The following ROBO1 variants were observed in gnomAD, a reference collection of about 807,000 sequenced individuals.
ROBO1 encodes the protein roundabout guidance receptor 1, also known as roundabout homolog 1.
Under a neutral mutation model 195.9 loss-of-function variants are expected in ROBO1, and 149 were observed. The ratio of observed to expected loss-of-function variants is 0.76; its 90% CI spans 0.67 to 0.87. The LOEUF (loss-of-function observed/expected upper bound fraction) is 0.87. Among genes scored for constraint, ROBO1 ranks in the 40% least tolerant of loss-of-function variants. The probability of loss-of-function intolerance (pLI) is 0.00; values close to 1 mark genes in which losing one functional copy is unlikely to be tolerated. For missense variants in ROBO1, 1,933 were observed against 2,068.3 expected, an observed-to-expected ratio of 0.93 and a Z score of 1.27; for synonymous variants, 816 against 733.2, an observed-to-expected ratio of 1.11 and a Z score of -1.82.
chr3:79,412,874 AT>A (rs1167482550), intron 2 of ROBO1, among the ~76,000 whole-genome samples: 129 of 38,268 alleles, frequency 3.4e-3, no homozygotes, highest in Middle Eastern at 0.02. Flanking sequence ...TCATGAGCTG[AT>A]TTTTTTTTTT....
At chr3:79,611,989 T>A (rs1944673096) in intron 1 of ROBO1, among the ~76,000 whole-genome samples, 1 of 152,110 alleles carries the variant, frequency 6.6e-6, no homozygotes, top group African/African-American at 2.4e-5. Context: ...TAATACCATG[T>A]ACATTGTGGT....
chr3:79,231,776 A>C (rs939076496), intron 2 of ROBO1, among the ~76,000 whole-genome samples: 2 of 152,164 alleles, frequency 1.3e-5, no homozygotes, highest in African/African-American at 4.8e-5. Context: ...TGTTCCTTGC[A>C]GCACTATTCA....
At chr3:79,611,803 G>T (rs560504528) in intron 1 of ROBO1, among the ~76,000 whole-genome samples, 2 of 151,934 alleles carry the variant, frequency 1.3e-5, no homozygotes, top group East Asian at 1.9e-4. Context: ...TGGGTTGAGG[G>T]GTGCAGCAAA....
At chr3:78,902,789 A>G (rs1474755607) in intron 4 of ROBO1, among the ~76,000 whole-genome samples, 1 of 152,204 alleles carries the variant, frequency 6.6e-6, no homozygotes, top group Non-Finnish European at 1.5e-5. Context: ...GACTGCAGTG[A>G]GCCCAGATCG....
rs188680321 is a variant in ROBO1, at chr3:78,935,043, A to G, written c.499+3558T>C. Reference sequence around the variant, plus strand: ...ATTTGAATTCTAAGTCACTTTAAGAAGCATAAGTTACTAATAATAACAATG... The same window carrying G: ...ATTTGAATTCTAAGTCACTTTAAGAGGCATAAGTTACTAATAATAACAATG... On this transcript the variant is annotated intron_variant, in intron 4 of 30. Transcript: ENST00000464233. 2.4e-4 allele frequency among the ~76,000 whole-genome samples: 37 copies of G among 152,196 alleles called. No individual in the cohort carries two copies. In the East Asian group the frequency reaches 5.0e-3, roughly 21 times the overall value.
At chr3:79,687,821 A>G (rs1384553068) in intron 1 of ROBO1, among the ~76,000 whole-genome samples, 1 of 152,182 alleles carries the variant, frequency 6.6e-6, no homozygotes, top group African/African-American at 2.4e-5. Flanking sequence ...ACGATTCCTC[A>G]GGGATCTAGA....
chr3:78,661,727 T>A (rs1201896924), intron 15 of ROBO1, among the ~76,000 whole-genome samples: 1 of 152,216 alleles, frequency 6.6e-6, no homozygotes, highest in Non-Finnish European at 1.5e-5. Context: ...AATGATCCTA[T>A]CACAAGTTAC....
chr3:79,330,273 G>GTATATATATATA (rs34794861), intron 2 of ROBO1, among the ~76,000 whole-genome samples: 435 of 137,840 alleles, frequency 3.2e-3, no homozygotes, highest in Non-Finnish European at 4.2e-3. Context: ...GTATATATAT[G>GTATATATATATA]TATATATATA....
chr3:79,693,233 T>C (rs1229829741), intron 1 of ROBO1, among the ~76,000 whole-genome samples: 1 of 151,842 alleles, frequency 6.6e-6, no homozygotes, highest in Non-Finnish European at 1.5e-5. Context: ...CATCAGAGCA[T>C]CATCTTTTAT....
chr3:78,748,044 G>GT (rs755277876), intron 4 of ROBO1, among the ~76,000 whole-genome samples: 10 of 152,156 alleles, frequency 6.6e-5, no homozygotes, highest in Non-Finnish European at 1.5e-4. Flanking sequence ...CTGATGTGTA[G>GT]TAGAATGTGA....
intron 3 of ROBO1, among the ~76,000 whole-genome samples, chr3:78,953,399 C>A (rs1370032343): frequency 2.0e-5 from 3 of 152,006 alleles, no homozygotes; most frequent in African/African-American, 7.2e-5. Context: ...AGTCCAAATT[C>A]TCTCAATCTC....
At chr3:79,611,978 A>G (rs149315921) in intron 1 of ROBO1, among the ~76,000 whole-genome samples, 2 of 152,264 alleles carry the variant, frequency 1.3e-5, no homozygotes, top group African/African-American at 4.8e-5. Flanking sequence ...TTCCATGGAT[A>G]TAATACCATG....
At chr3:79,363,593 C>T (rs1193774768) in intron 2 of ROBO1, among the ~76,000 whole-genome samples, 2 of 152,184 alleles carry the variant, frequency 1.3e-5, no homozygotes, top group African/African-American at 2.4e-5. Context: ...ACTACTAACT[C>T]TTTGCAAAGA....
chr3:79,412,305 T>C (rs971005488), intron 2 of ROBO1, among the ~76,000 whole-genome samples: 1 of 152,196 alleles, frequency 6.6e-6, no homozygotes, highest in Non-Finnish European at 1.5e-5. Context: ...CTCTGGTCTT[T>C]CTGCAGCTAC....
chr3:79,017,450 AGTGTGTGTGTGTGTGTGTGT>A (rs60522056), intron 3 of ROBO1, among the ~76,000 whole-genome samples: 20 of 133,512 alleles, frequency 1.5e-4, no homozygotes, highest in South Asian at 2.6e-4. Flanking sequence ...TCCGAGGTGC[AGTGTGTGTGTGTGTGTGTGT>A]GTGTGTGTGT....
chr3:79,319,287 GT>G (rs902183305), intron 2 of ROBO1, among the ~76,000 whole-genome samples: 2 of 152,070 alleles, frequency 1.3e-5, no homozygotes, highest in African/African-American at 4.8e-5. Flanking sequence ...CTAACACGTG[GT>G]TTAATGTACT....
chr3:78,998,505 C>T (rs1050960659), intron 3 of ROBO1, among the ~76,000 whole-genome samples: 19 of 152,066 alleles, frequency 1.2e-4, no homozygotes, highest in African/African-American at 2.2e-4. Context: ...TTTTGTAAAA[C>T]GCTTAGGTGG....
intron 3 of ROBO1, among the ~76,000 whole-genome samples, chr3:78,951,143 A>G (rs572432536): frequency 6.6e-6 from 1 of 151,988 alleles, no homozygotes; most frequent in African/African-American, 2.4e-5. Context: ...CACCAAGGCC[A>G]AATATGGAAG....
chr3:79,468,736 G>C (rs1938105597), intron 2 of ROBO1, among the ~76,000 whole-genome samples: 2 of 152,082 alleles, frequency 1.3e-5, no homozygotes, highest in African/African-American at 4.8e-5. Flanking sequence ...TATGAAATGA[G>C]AAGAACCTGG....
Sources: gnomAD v4.1 joint callset for allele counts (sites outside exome capture counted in the v4.1 genomes callset) on GRCh38, gnomAD v4.1.1 for gene constraint, MANE v1.5 for transcripts, NCBI Gene and HGNC (gene_info 2026-07-23, HGNC 2026-07-21) for gene names.